The following ANKRD33 variants were observed in gnomAD, a reference collection of about 807,000 sequenced individuals.
ANKRD33 encodes the protein ankyrin repeat domain 33, also known as photoreceptor ankyrin repeat protein.
A neutral mutation model predicts 20.6 loss-of-function variants in ANKRD33; 20 were observed. That is an observed-to-expected ratio of 0.97 (90% CI 0.68 to 1.41). The LOEUF (loss-of-function observed/expected upper bound fraction) is 1.41. Among genes scored for constraint, ANKRD33 ranks in the 40% most tolerant of loss-of-function variants. The pLI is 0.00. For missense variants in ANKRD33, 545 were observed against 579.6 expected (o/e 0.94, Z 0.61); for synonymous variants, 246 against 245.0 (o/e 1.00, Z -0.04).
chr12:51,889,970 C>A, intron 4 of ANKRD33: 1 of 219,354 alleles, frequency 4.6e-6, no homozygotes, highest in South Asian at 7.6e-5. Flanking sequence ...GGGGGAGGTG[C>A]GGTGAAGTCC....
chr12:51,888,475 C>T (rs1940293310), intron 1 of ANKRD33, 93 bp from the exon 2 acceptor site: 5 of 1,565,824 alleles, frequency 3.2e-6, no homozygotes, highest in East Asian at 4.5e-5. Flanking sequence ...TAAATGTTTT[C>T]CCTGGGGCAA....
chr12:51,890,906 C>T lies in ANKRD33; in HGVS notation c.960C>T (p.Val320=). The change falls in exon 5 of 5, where the codon GTC becomes GTT. Residue 320 remains valine, a synonymous_variant. Transcript: ENST00000301190. ...TATTSLASPF[V]TTACHTLCPD... is the part of the protein sequence containing the mutation. ...CAACCAGCCTGGCCAGTCCCTTCGTCACCACTGCCTGCCACACTCTGTGCC... is the reference window on the plus strand; with the variant it reads ...CAACCAGCCTGGCCAGTCCCTTCGTTACCACTGCCTGCCACACTCTGTGCC... 1.2e-6 allele frequency: 2 copies of T among 1,613,526 alleles called. No homozygotes were observed. Among genetic ancestry groups the T allele is most frequent in the Non-Finnish European group, 1.7e-6 (2 of 1,180,002 alleles).
Position 51,891,008 on chromosome 12 carries a change from G to T in ANKRD33, c.1062G>T (p.Leu354=). ...TAGGTACTGCCCCGCCCCCTCCCCT[G>T]GTTCCCCAGTCCCCGCCAGGGAGTC... The part of the protein sequence containing the change: ...ELLGTAPPPP[L]VPQSPPGSPQ... Residue 354 remains leucine (L), a synonymous_variant, in exon 5 of 5, where the codon CTG becomes CTT. Coordinates refer to ENST00000301190, the MANE Select transcript of ANKRD33 (RefSeq NM_182608.4). 6.2e-7 allele frequency: 1 copy of T among 1,613,266 alleles called. No individual in the cohort carries two copies. The highest frequency in any genetic ancestry group is 8.5e-7 in the Non-Finnish European group (1 of 1,179,858).
intron 2 of ANKRD33, 106 bp downstream of exon 2, chr12:51,888,924 G>T (rs746816030): frequency 3.0e-5 from 47 of 1,584,996 alleles, no homozygotes; most frequent in Non-Finnish European, 3.9e-5. Context: ...ACCTCCTGCA[G>T]TCCTAAGGAG....
chr12:51,890,518 A>T (rs1940384724), intron 4 of ANKRD33, 66 bp from the exon 5 acceptor site: 1 of 1,551,286 alleles, frequency 6.4e-7, no homozygotes, highest in Non-Finnish European at 8.7e-7. Flanking sequence ...GCTCCTAAAG[A>T]ATCTGCCCTT....
chr12:51,889,014 G>C, intron 2 of ANKRD33, 53 bp from the exon 3 acceptor site: 1 of 1,612,010 alleles, frequency 6.2e-7, no homozygotes, highest in South Asian at 1.1e-5. Context: ...GGTGCAAGGG[G>C]CCCTGGAGTG....
Position 51,889,142 on chromosome 12 carries a change from G to A in ANKRD33, c.472G>A (p.Val158Met). The change falls in exon 3 of 5, where the codon GTG becomes ATG. Residue 158 changes from valine (V) to methionine (M), a missense_variant. Coordinates refer to ENST00000301190, the MANE Select transcript of ANKRD33 (RefSeq NM_182608.4). ...GCTCAGCCACTGTCCTTTCCTTGAT[G>A]TGAACCAGCAGGACAAAGGAGGGGA... ...ALLSHCPFLD[V>M]NQQDKGGDTA... 6.2e-7 allele frequency: 1 copy of A among 1,614,192 alleles called. No homozygotes were observed. Among genetic ancestry groups the A allele is most frequent in the Non-Finnish European group, 8.5e-7 (1 of 1,180,032 alleles).
chr12:51,891,502 T>A lies in ANKRD33; in HGVS notation c.*197T>A. 1.1e-6 allele frequency: 1 copy of A among 894,690 alleles called. No homozygotes were observed. Among genetic ancestry groups the A allele is most frequent in the Middle Eastern group, 3.6e-4 (1 of 2,788 alleles). 55.4% of individuals were successfully genotyped at this position (894,690 alleles called of 1,614,324 possible). On this transcript the variant is annotated 3_prime_UTR_variant, in exon 5 of 5. Coordinates refer to ENST00000301190, the MANE Select transcript of ANKRD33 (RefSeq NM_182608.4). ...TGGAAACACCCGAAGTGTCCATCAG[T>A]AAGGGACAGGCTAGATTGATTACGG...
chr12:51,888,597 C>T lies in ANKRD33; in HGVS notation c.175C>T (p.Leu59Phe). The T allele has an allele frequency of 1.3e-6, 2 of 1,564,008 alleles. No homozygotes were observed. Among genetic ancestry groups the T allele is most frequent in the Non-Finnish European group, 8.6e-7 (1 of 1,156,826 alleles). The change falls in exon 2 of 5, where the codon CTT (leucine) becomes TTT (phenylalanine). Residue 59 changes from leucine (L) to phenylalanine (F), a missense_variant. By Grantham distance (22) the Leu-to-Phe change is conservative. Transcript: ENST00000301190. ...NASCMRKGTH[L>F]LVPCLEEEEL... Reference sequence around the variant, plus strand: ...CAGCTGCATGAGAAAAGGGACTCACCTTCTGGTTCCCTGCCTGGAAGAGGA... The same window carrying T: ...CAGCTGCATGAGAAAAGGGACTCACTTTCTGGTTCCCTGCCTGGAAGAGGA...
At chr12:51,889,223 G>T in intron 3 of ANKRD33, 27 bp downstream of exon 3, 1 of 1,613,954 alleles carries the variant, frequency 6.2e-7, no homozygotes, top group South Asian at 1.1e-5. Context: ...CCCCACTTCC[G>T]ACAGCCCCCT....
rs776897077 is a variant in ANKRD33, at chr12:51,888,842, A to G, written c.396+24A>G. 5 of 1,610,734 alleles carry G rather than the reference A, an allele frequency of 3.1e-6. No individual in the cohort carries two copies. The South Asian group carries it at 4.4e-5, about 14-fold the overall frequency. On this transcript the variant is annotated intron_variant, in intron 2 of 4. Coordinates refer to ENST00000301190, the MANE Select transcript of ANKRD33 (RefSeq NM_182608.4). ...GGGTGAGATGTCCTGGCTTCCCAGA[A>G]CAGCTGGGGGCATCTTTGCATCCCC...
chr12:51,889,786 A>G, intron 4 of ANKRD33: 1 of 459,012 alleles, frequency 2.2e-6, no homozygotes, highest in Non-Finnish European at 3.8e-6. Context: ...ACACGAAAAA[A>G]GGCTGGCATC....
In ANKRD33 at chr12:51,891,300, A is replaced by C. The variant is rs781483624; in HGVS notation, c.1354A>C (p.Lys452Gln). The C allele has an allele frequency of 6.2e-7, 1 of 1,613,894 alleles. No homozygotes were observed. Among genetic ancestry groups the C allele is most frequent in the Admixed American group, 1.7e-5 (1 of 60,000 alleles). ...KQEEEARMAQ[K>Q] ...GGAGGAGGAGGCCAGAATGGCACAG[A>C]AGTAGGGGAAGATGGGATAGGACAG... The change falls in exon 5 of 5, where the codon AAG (lysine) becomes CAG (glutamine). Residue 452 changes from lysine to glutamine, a missense_variant. Coordinates refer to ENST00000301190, the MANE Select transcript of ANKRD33 (RefSeq NM_182608.4).
rs150919589 is a variant in ANKRD33, at chr12:51,888,676, C to G, written c.254C>G (p.Pro85Arg). 5.0e-6 allele frequency: 8 copies of G among 1,612,102 alleles called. No individual in the cohort carries two copies. Among genetic ancestry groups the G allele is most frequent in the African/African-American group, 2.7e-5 (2 of 74,894 alleles). The change falls in exon 2 of 5, where the codon CCG (proline) becomes CGG (arginine). Residue 85 changes from proline (P) to arginine (R), a missense_variant. Transcript: ENST00000301190. ...RLDMSEALPC[P>R]GKETPTPGCR... is the part of the protein sequence containing the mutation. ...GACATGTCTGAGGCACTGCCCTGCC[C>G]GGGCAAGGAGACCCCCACCCCAGGC...
Position 51,888,271 on chromosome 12 carries a change from C to A in ANKRD33, c.85C>A (p.Leu29Ile), listed in dbSNP as rs753203970. ...LEAFGDPVIVLRGAWAVPRVD... is the reference protein window; with the variant it reads ...LEAFGDPVIVIRGAWAVPRVD... ...GGCATTCGGAGACCCAGTGATTGTG[C>A]TCCGCGGAGCCTGGGCTGTGCCCCG... Residue 29 changes from leucine (L) to isoleucine (I), a missense_variant, in exon 1 of 5, where the codon CTC becomes ATC. Leu to Ile is a conservative substitution (Grantham distance 5). Transcript: ENST00000301190. The A allele has an allele frequency of 6.2e-7, 1 of 1,614,214 alleles. No homozygotes were observed. The highest frequency in any genetic ancestry group is 1.1e-5 in the South Asian group (1 of 91,092).
intron 4 of ANKRD33, 103 bp downstream of exon 4, chr12:51,889,585 G>C (rs1283728543): frequency 3.6e-5 from 54 of 1,492,066 alleles, no homozygotes; most frequent in Non-Finnish European, 4.8e-5. Flanking sequence ...CACTAAGTCA[G>C]CTGTGATTAT....
chr12:51,890,759 C>G lies in ANKRD33; in HGVS notation c.813C>G (p.Ala271=). 6.2e-7 allele frequency: 1 copy of G among 1,602,240 alleles called. No homozygotes were observed. ...GGCCGGCCTTGTCCGGGCTCGTGGC[C>G]CAGGCCCAGGCCCAGGCCCAGGTTG... ...PEWPALSGLV[A]QAQAQAQVAP... Residue 271 remains alanine (A), a synonymous_variant, in exon 5 of 5, where the codon GCC becomes GCG. Coordinates refer to ENST00000301190, the MANE Select transcript of ANKRD33 (RefSeq NM_182608.4).
Position 51,891,266 on chromosome 12 carries a change from G to T in ANKRD33, c.1320G>T (p.Lys440Asn). 1 of 1,614,230 alleles carries T rather than the reference G, an allele frequency of 6.2e-7. No individual in the cohort carries two copies. The highest frequency in any genetic ancestry group is 8.5e-7 in the Non-Finnish European group (1 of 1,180,022). The stretch of plus-strand genomic sequence containing the variant: ...GATACCAGGAGCTCAGGATAGAGAA[G>T]AGGAAACAGGAGGAGGAGGCCAGAA... ...LWRYQELRIE[K>N]RKQEEEARMA... The change falls in exon 5 of 5, where the codon AAG (lysine) becomes AAT (asparagine). Residue 440 changes from lysine to asparagine, a missense_variant. Lys to Asn is a moderately conservative substitution (Grantham distance 94). Transcript: ENST00000301190.
At position 51,888,328 on chromosome 12, in the gene ANKRD33, C is replaced by G; in HGVS notation, c.142C>G (p.Pro48Ala). The G allele has an allele frequency of 6.2e-7, 1 of 1,613,928 alleles. No homozygotes were observed. The highest frequency in any genetic ancestry group is 1.1e-5 in the South Asian group (1 of 91,070). ...VDCLIDTLRT[P>A]NASCMRKGTH... ...CTGCCTCATAGATACCCTACGAACC[C>G]CAAGTAAGAAAAAACGACGACCCTC... is the stretch of plus-strand genomic sequence containing the variant. The change falls in exon 1 of 5, where the codon CCA becomes GCA. Residue 48 changes from proline to alanine, a missense_variant. Pro to Ala is a conservative substitution (Grantham distance 27). Transcript: ENST00000301190.
Sources: gnomAD v4.1 joint callset for allele counts on GRCh38, gnomAD v4.1.1 for gene constraint, MANE v1.5 for transcripts, NCBI Gene and HGNC (gene_info 2026-07-23, HGNC 2026-07-21) for gene names.